ADGRG5: variants seen among roughly 807,000 people sequenced by gnomAD.
The protein encoded by ADGRG5 is G protein-coupled receptor 114.
A neutral mutation model predicts 53.2 loss-of-function variants in ADGRG5; 37 were observed. The ratio of observed to expected loss-of-function variants is 0.70; its 90% CI spans 0.53 to 0.91. The LOEUF (loss-of-function observed/expected upper bound fraction) is 0.91, where lower values mean the gene tolerates loss of function less well. Among genes scored for constraint, ADGRG5 ranks in the 40% least tolerant of loss-of-function variants. The pLI is 0.00. For missense variants in ADGRG5, 614 were observed against 675.8 expected, an observed-to-expected ratio of 0.91 and a Z score of 1.01; for synonymous variants, 277 against 290.4, an observed-to-expected ratio of 0.95 and a Z score of 0.47.
At chr16:57,549,241 C>T (rs975634427) in intron 1 of ADGRG5, among the ~76,000 whole-genome samples, 8 of 152,238 alleles carry the variant, frequency 5.3e-5, no homozygotes, top group Non-Finnish European at 8.8e-5. Flanking sequence ...GTTGCTAAGC[C>T]GTCCCCTTGC....
At chr16:57,529,233 CG>C in the ADGRG5 span, 1 of 1,138,116 alleles carries the variant, frequency 8.8e-7, no homozygotes, top group Non-Finnish European at 1.1e-6. The surrounding 1 kb of genome is among the most constrained non-coding windows in gnomAD (Gnocchi z 4.1). Context: ...GGGGCGGCTC[CG>C]GGGACGCGCG....
chr16:57,564,588 C>T (rs958938344), intron 5 of ADGRG5, among the ~76,000 whole-genome samples: 19 of 152,198 alleles, frequency 1.2e-4, no homozygotes, highest in African/African-American at 4.3e-4. Context: ...AGGCGTGAGC[C>T]ACTGAGCCTG....
intron 1 of ADGRG5, among the ~76,000 whole-genome samples, chr16:57,556,360 G>A (rs1309356310): frequency 6.6e-6 from 1 of 152,052 alleles, no homozygotes; most frequent in Non-Finnish European, 1.5e-5. Flanking sequence ...TGTTTTCTCT[G>A]TATTCCATCT....
chr16:57,530,834 C>T, the ADGRG5 span, among the ~76,000 whole-genome samples: 1 of 151,990 alleles, frequency 6.6e-6, no homozygotes, highest in Non-Finnish European at 1.5e-5. Flanking sequence ...CACTCGCCGT[C>T]TCCACTCCGT....
At chr16:57,547,166 A>T (rs2032638206) in intron 1 of ADGRG5, among the ~76,000 whole-genome samples, 1 of 152,132 alleles carries the variant, frequency 6.6e-6, no homozygotes, top group South Asian at 2.1e-4. Flanking sequence ...TCCTATTAAA[A>T]TATTTGTGTT....
At chr16:57,555,567 T>A (rs1305434097) in intron 1 of ADGRG5, among the ~76,000 whole-genome samples, 1 of 152,234 alleles carries the variant, frequency 6.6e-6, no homozygotes, top group African/African-American at 2.4e-5. Context: ...TTTGCAACTA[T>A]AAGTGTTGGT....
At chr16:57,570,356 C>G (rs180875814) in intron 9 of ADGRG5, 62 bp from the exon 10 acceptor site, 1 of 1,063,560 alleles carries the variant, frequency 9.4e-7, no homozygotes, top group Non-Finnish European at 1.4e-6. Context: ...CCCCAGGGAC[C>G]GCCCCAGGGA....
At chr16:57,556,185 T>A (rs2032879517) in intron 1 of ADGRG5, among the ~76,000 whole-genome samples, 1 of 152,188 alleles carries the variant, frequency 6.6e-6, no homozygotes, top group Non-Finnish European at 1.5e-5. Flanking sequence ...TTACATGTAA[T>A]TTATTGGTGT....
intron 1 of ADGRG5, among the ~76,000 whole-genome samples, chr16:57,545,130 T>A (rs1000082475): frequency 2.0e-5 from 3 of 152,034 alleles, no homozygotes; most frequent in Non-Finnish European, 4.4e-5. Context: ...GGTAAGTAAA[T>A]AGCACAGCCA....
chr16:57,538,879 T>A (rs1598086593), upstream of ADGRG5, among the ~76,000 whole-genome samples: 1 of 152,206 alleles, frequency 6.6e-6, no homozygotes, highest in African/African-American at 2.4e-5. Context: ...AAAGCCTATT[T>A]CATATAGCTA....
At chr16:57,566,848 A>C in intron 7 of ADGRG5, 97 bp downstream of exon 7, 1 of 1,149,920 alleles carries the variant, frequency 8.7e-7, no homozygotes, top group Non-Finnish European at 1.2e-6. Flanking sequence ...CAGAAAGTCC[A>C]ACTGAAATGG....
chr16:57,538,261 C>T (rs1438959583), upstream of ADGRG5, among the ~76,000 whole-genome samples: 1 of 152,044 alleles, frequency 6.6e-6, no homozygotes, highest in East Asian at 1.9e-4. Context: ...TCTTAGTTAC[C>T]TAGGGGCTGG....
chr16:57,539,706 G>T (rs1598087040), upstream of ADGRG5, among the ~76,000 whole-genome samples: 1 of 151,798 alleles, frequency 6.6e-6, no homozygotes, highest in Non-Finnish European at 1.5e-5. Flanking sequence ...TACCACTAGG[G>T]CTTTGTCCAA....
intron 1 of ADGRG5, among the ~76,000 whole-genome samples, chr16:57,557,353 T>C (rs1436286370): frequency 1.3e-5 from 2 of 152,236 alleles, no homozygotes; most frequent in Non-Finnish European, 2.9e-5. Context: ...TTATCTTCTG[T>C]GTACAATGGC....
chr16:57,568,799 C>T (rs1256978162), intron 9 of ADGRG5, among the ~76,000 whole-genome samples: 2 of 145,584 alleles, frequency 1.4e-5, no homozygotes, highest in African/African-American at 5.5e-5. Context: ...ACCTCCTCCA[C>T]CTCCATCACC....
upstream of ADGRG5, among the ~76,000 whole-genome samples, chr16:57,541,327 G>A (rs2032486346): frequency 6.6e-6 from 1 of 152,202 alleles, no homozygotes; most frequent in Non-Finnish European, 1.5e-5. Context: ...CAATCCTAGA[G>A]GTAGCTGGGT....
intron 9 of ADGRG5, 53 bp from the exon 10 acceptor site, chr16:57,570,365 G>A (rs1280026729): frequency 4.9e-6 from 6 of 1,213,592 alleles, no homozygotes; most frequent in Non-Finnish European, 7.3e-6. Context: ...CCGCCCCAGG[G>A]ACCGAGGGTC....
chr16:57,534,531 C>A, the ADGRG5 span, among the ~76,000 whole-genome samples: 3 of 152,320 alleles, frequency 2.0e-5, no homozygotes, highest in Middle Eastern at 3.4e-3. Flanking sequence ...GAAGCCTTCT[C>A]TAACCTCTCT....
intron 1 of ADGRG5, among the ~76,000 whole-genome samples, chr16:57,547,757 T>C (rs150702192): frequency 0.01 from 1,556 of 152,014 alleles, 24 homozygotes; most frequent in African/African-American, 0.035. Context: ...TGTTTTTTGT[T>C]TTTTGTTTTT....
Sources: gnomAD v4.1 joint callset for allele counts (sites outside exome capture counted in the v4.1 genomes callset) on GRCh38, gnomAD v4.1.1 for gene constraint, Gnocchi (gnomAD v3.1) non-coding constraint, MANE v1.5 for transcripts, NCBI Gene and HGNC (gene_info 2026-07-23, HGNC 2026-07-21) for gene names.